ICMT: variants seen among roughly 807,000 people sequenced by gnomAD.
ICMT encodes protein-S-isoprenylcysteine O-methyltransferase.
A neutral mutation model predicts 32.2 loss-of-function variants in ICMT; 10 were observed. That is an observed-to-expected ratio of 0.31 (90% CI 0.19 to 0.53). The LOEUF (loss-of-function observed/expected upper bound fraction) is 0.53. Among genes scored for constraint, ICMT ranks in the 20% least tolerant of loss-of-function variants. The pLI, the probability that ICMT is intolerant of heterozygous loss-of-function variation, is 0.96. For synonymous variants in ICMT, 183 were observed against 158.2 expected (o/e 1.16, Z -1.18); for missense variants, 265 against 356.9 (o/e 0.74, Z 2.07).
chr1:6,230,258 G>T (rs1668712640), intron 4 of ICMT, among the ~76,000 whole-genome samples: 1 of 152,138 alleles, frequency 6.6e-6, no homozygotes, highest in African/African-American at 2.4e-5. Context: ...GAGACTATAG[G>T]CATGTGCCAC....
At chr1:6,228,338 GTTTC>G (rs780472492) in intron 4 of ICMT, among the ~76,000 whole-genome samples, 17 of 151,032 alleles carry the variant, frequency 1.1e-4, no homozygotes, top group South Asian at 2.1e-4. Flanking sequence ...GGCCAAGCTG[GTTTC>G]TTTTTCTTTT....
intron 4 of ICMT, among the ~76,000 whole-genome samples, chr1:6,228,116 A>G (rs1257550463): frequency 6.6e-6 from 1 of 152,214 alleles, no homozygotes; most frequent in African/African-American, 2.4e-5. Flanking sequence ...CTTGGGCAAC[A>G]CAGCGAGATC....
chr1:6,232,140 C>G, intron 3 of ICMT, 21 bp from the exon 4 acceptor site: 1 of 1,588,932 alleles, frequency 6.3e-7, no homozygotes, highest in Non-Finnish European at 8.6e-7. Context: ...GAGACATCAA[C>G]GACACACGGG....
At chr1:6,235,695 G>T in intron 1 of ICMT, 22 bp downstream of exon 1, 1 of 1,168,984 alleles carries the variant, frequency 8.6e-7, no homozygotes. Context: ...GCCGGCCCCC[G>T]CCGGCCCCCG....
chr1:6,225,915 C>T (rs1294728001), intron 4 of ICMT, among the ~76,000 whole-genome samples: 2 of 151,802 alleles, frequency 1.3e-5, no homozygotes, highest in East Asian at 1.9e-4. Flanking sequence ...AGTGCAGTGG[C>T]GTGATCATGG....
At chr1:6,232,226 A>C (rs994890617) in intron 3 of ICMT, 107 bp from the exon 4 acceptor site, 6 of 753,998 alleles carry the variant, frequency 8.0e-6, no homozygotes, top group Non-Finnish European at 1.3e-5. Context: ...GAAACAGAAA[A>C]TGTGCTGCTG....
rs370803645 is a variant in ICMT at position 6,225,269 on chromosome 1, G to C, written c.673-7C>G. The C allele has an allele frequency of 4.6e-5, 74 of 1,611,536 alleles. No individual in the cohort carries two copies. In the African/African-American group the frequency reaches 8.3e-4, roughly 18 times the overall value. On this transcript the variant is annotated splice_region_variant and splice_polypyrimidine_tract_variant and intron_variant, in intron 4 of 4. Transcript: ENST00000343813. ...TGGGGTTACACAGCATCACCTAACA[G>C]AGGGAGACACCAGGCTCATCAGGGT...
chr1:6,232,141 G>C (rs369899420), intron 3 of ICMT, 22 bp from the exon 4 acceptor site: 2 of 1,578,906 alleles, frequency 1.3e-6, no homozygotes, highest in Non-Finnish European at 1.7e-6. Context: ...AGACATCAAC[G>C]ACACACGGGG....
intron 4 of ICMT, among the ~76,000 whole-genome samples, chr1:6,231,377 C>G (rs561952297): frequency 4.1e-4 from 63 of 152,090 alleles, no homozygotes; most frequent in African/African-American, 1.5e-3. Context: ...GTCCTCACCC[C>G]CTCTGGGGTG....
intron 2 of ICMT, 35 bp from the exon 3 acceptor site, chr1:6,233,678 A>G (rs1205695255): frequency 3.2e-6 from 5 of 1,572,682 alleles, no homozygotes; most frequent in Non-Finnish European, 4.3e-6. Context: ...AAGTTGGGAC[A>G]AGAGAACCAA....
intron 2 of ICMT, chr1:6,234,451 G>T: frequency 2.0e-6 from 1 of 495,238 alleles, no homozygotes. Context: ...AGGCTCAAGG[G>T]ACTGAAATCA....
At chr1:6,226,748 T>G (rs1268023357) in intron 4 of ICMT, among the ~76,000 whole-genome samples, 4 of 152,186 alleles carry the variant, frequency 2.6e-5, no homozygotes, top group Non-Finnish European at 4.4e-5. Context: ...TTTAAAATTT[T>G]ATTATTTTTT....
At chr1:6,233,261 T>C (rs1239933127) in intron 3 of ICMT, among the ~76,000 whole-genome samples, 1 of 152,280 alleles carries the variant, frequency 6.6e-6, no homozygotes, top group Non-Finnish European at 1.5e-5. Flanking sequence ...TGATGCAAAC[T>C]TTAAAGCAAA....
Position 6,223,621 on chromosome 1 carries a change from C to T in ICMT, c.*1459G>A, listed in dbSNP as rs1209854767. 4 of 152,208 alleles carry T rather than the reference C, an allele frequency of 2.6e-5. No homozygotes were observed. Among genetic ancestry groups the T allele is most frequent in the Admixed American group, 1.3e-4 (2 of 15,272 alleles). The allele number at this position is 152,208 out of a possible 1,614,324, so 9.4% of individuals were successfully genotyped here. A position where few individuals can be genotyped will look rare whatever the true frequency, so the allele number is the denominator to read the frequency against. ...CATACAGTACAGATTTCATTGATGT[C>T]GCTCCCACATCTGAGTATTAAAAAC... On this transcript the variant is annotated 3_prime_UTR_variant, in exon 5 of 5. Coordinates refer to ENST00000343813, the MANE Select transcript of ICMT (RefSeq NM_012405.4).
chr1:6,232,066 C>T lies in ICMT; in HGVS notation c.508G>A (p.Gly170Arg), dbSNP rs1668746787. 2 of 1,614,094 alleles carry T rather than the reference C, an allele frequency of 1.2e-6. No individual in the cohort carries two copies. The highest frequency in any genetic ancestry group is 1.7e-6 in the Non-Finnish European group (2 of 1,180,024). The change falls in exon 4 of 5, where the codon GGA becomes AGA. Residue 170 changes from glycine to arginine, a missense_variant. Coordinates refer to ENST00000343813, the MANE Select transcript of ICMT (RefSeq NM_012405.4). ...SVTGLLMVVFGECLRKAAMFT... is the reference protein window; with the variant it reads ...SVTGLLMVVFRECLRKAAMFT... ...ATGGCCGCCTTCCTCAGACATTCTC[C>T]GAAGACCACCATCAGCAGCCCTGTG...
intron 2 of ICMT, among the ~76,000 whole-genome samples, 194 bp from the exon 3 acceptor site, chr1:6,233,837 T>C (rs1224010580): frequency 6.6e-6 from 1 of 152,148 alleles, no homozygotes; most frequent in African/African-American, 2.4e-5. Flanking sequence ...GGGGCTGTTT[T>C]TGTTTCTGGT....
intron 2 of ICMT, chr1:6,234,624 C>T (rs1668788771): frequency 1.9e-6 from 1 of 530,950 alleles, no homozygotes. Flanking sequence ...TTACGGAATG[C>T]TGTCACCACA....
In ICMT at chr1:6,225,015, C is replaced by A. The variant is rs544475465; in HGVS notation, c.*65G>T. On this transcript the variant is annotated 3_prime_UTR_variant, in exon 5 of 5. Coordinates refer to ENST00000343813, the MANE Select transcript of ICMT (RefSeq NM_012405.4). ...GAAAATCCATGTGGCAGCGGCCAAC[C>A]GGAAACAGTTTTGTCCCAGGCTGCA... 3.6e-6 allele frequency: 5 copies of A among 1,392,490 alleles called. No individual in the cohort carries two copies. The highest frequency in any genetic ancestry group is 3.9e-6 in the Non-Finnish European group (4 of 1,013,872). 86.3% of individuals were successfully genotyped at this position (1,392,490 alleles called of 1,614,324 possible).
intron 1 of ICMT, among the ~76,000 whole-genome samples, chr1:6,235,337 C>T (rs1668804906): frequency 6.6e-6 from 1 of 152,196 alleles, no homozygotes; most frequent in Non-Finnish European, 1.5e-5. Context: ...TGTAGGAAAA[C>T]TGCTTAAGCC....
Sources: gnomAD v4.1 joint callset for allele counts (sites outside exome capture counted in the v4.1 genomes callset) on GRCh38, gnomAD v4.1.1 for gene constraint, MANE v1.5 for transcripts, NCBI Gene and HGNC (gene_info 2026-07-23, HGNC 2026-07-21) for gene names.